Variants in PTPRK observed in about 807,000 individuals in gnomAD.
PTPRK encodes the protein protein tyrosine phosphatase receptor type K.
PTPRK carries 75 observed loss-of-function variants against 178.0 expected under a neutral mutation model. The ratio of observed to expected loss-of-function variants is 0.42; its 90% CI spans 0.35 to 0.51. The LOEUF (loss-of-function observed/expected upper bound fraction) is 0.51. Among genes scored for constraint, PTPRK ranks in the 20% least tolerant of loss-of-function variants. The pLI, the probability that PTPRK is intolerant of heterozygous loss-of-function variation, is 0.02. For synonymous variants in PTPRK, 637 were observed against 620.6 expected, an observed-to-expected ratio of 1.03 and a Z score of -0.39; for missense variants, 1,441 against 1,797.8, an observed-to-expected ratio of 0.80 and a Z score of 3.59.
At chr6:127,985,927 TA>T in intron 21 of PTPRK, 52 bp from the exon 22 acceptor site, 1 of 1,562,510 alleles carries the variant, frequency 6.4e-7, no homozygotes, top group South Asian at 1.2e-5. Context: ...ATGGCCAAAA[TA>T]AAGCCATTAA....
chr6:128,028,459 T>C (rs1009079928), intron 13 of PTPRK, among the ~76,000 whole-genome samples: 1 of 152,218 alleles, frequency 6.6e-6, no homozygotes, highest in Non-Finnish European at 1.5e-5. Flanking sequence ...TGTATCAACA[T>C]ACATTTTAGC....
At chr6:128,082,688 C>T in intron 9 of PTPRK, 50 bp from the exon 10 acceptor site, 3 of 1,383,134 alleles carry the variant, frequency 2.2e-6, no homozygotes, top group Non-Finnish European at 3.0e-6. Context: ...TCATAAGAAA[C>T]TGTAAATAAA....
At chr6:128,365,028 AG>A (rs1403398091) in intron 2 of PTPRK, among the ~76,000 whole-genome samples, 4 of 152,072 alleles carry the variant, frequency 2.6e-5, no homozygotes, top group African/African-American at 4.8e-5. Flanking sequence ...ATTTAAGAAT[AG>A]GTTTGTAACG....
chr6:128,303,292 T>C (rs1825907570), intron 3 of PTPRK, among the ~76,000 whole-genome samples: 1 of 152,190 alleles, frequency 6.6e-6, no homozygotes, highest in Non-Finnish European at 1.5e-5. Flanking sequence ...TGGTCGCCCT[T>C]TTTTGTTCCA....
intron 13 of PTPRK, 89 bp downstream of exon 13, chr6:128,064,669 T>C: frequency 6.8e-7 from 1 of 1,481,146 alleles, no homozygotes. Flanking sequence ...AGAAATGTCA[T>C]ATTTAGCCCT....
chr6:128,412,349 A>T (rs1202869548), intron 1 of PTPRK, among the ~76,000 whole-genome samples: 1 of 152,206 alleles, frequency 6.6e-6, no homozygotes, highest in Non-Finnish European at 1.5e-5. Flanking sequence ...CAACCTAAAA[A>T]GTTGGGCATT....
At chr6:128,243,207 T>C (rs1253958373) in intron 3 of PTPRK, among the ~76,000 whole-genome samples, 1 of 152,034 alleles carries the variant, frequency 6.6e-6, no homozygotes, top group Non-Finnish European at 1.5e-5. Flanking sequence ...ATGGAAGGCC[T>C]TAAATACCAT....
In PTPRK at chr6:128,433,597, C is replaced by A. The variant is rs568803295; in HGVS notation, c.101-35909G>T. Among the ~76,000 whole-genome samples, 3 of 152,098 alleles carry A rather than the reference C, an allele frequency of 2.0e-5. No individual in the cohort carries two copies. In the East Asian group the frequency reaches 5.8e-4, roughly 29 times the overall value. On this transcript the variant is annotated intron_variant, in intron 1 of 29. Coordinates refer to ENST00000368226, the MANE Select transcript of PTPRK (RefSeq NM_002844.4). ...AATCTCAGATTTCAGCTCATTGCAA[C>A]CTCTGCCTCCCAGGCTCAAGTGATA...
intron 13 of PTPRK, among the ~76,000 whole-genome samples, chr6:128,038,963 C>T (rs960382352): frequency 2.6e-5 from 4 of 152,118 alleles, no homozygotes; most frequent in African/African-American, 9.7e-5. Flanking sequence ...AAGACTGGCA[C>T]TAATTAGTAG....
chr6:128,324,971 TTA>T (rs1322621622), intron 2 of PTPRK, among the ~76,000 whole-genome samples: 4 of 152,174 alleles, frequency 2.6e-5, no homozygotes, highest in African/African-American at 9.7e-5. Context: ...CTCTCATACT[TTA>T]TGTTATAATT....
chr6:128,303,797 C>A (rs1025280354), intron 3 of PTPRK, among the ~76,000 whole-genome samples: 2 of 152,122 alleles, frequency 1.3e-5, no homozygotes, highest in African/African-American at 4.8e-5. Flanking sequence ...TTAAAACAAT[C>A]TATTTTTACA....
chr6:128,102,663 T>C (rs567624181), intron 7 of PTPRK, among the ~76,000 whole-genome samples: 1 of 152,330 alleles, frequency 6.6e-6, no homozygotes, highest in East Asian at 1.9e-4. Flanking sequence ...AAAATACTTT[T>C]GAATGTTAAT....
chr6:128,031,120 G>C (rs753831361), intron 13 of PTPRK, among the ~76,000 whole-genome samples: 2 of 152,096 alleles, frequency 1.3e-5, no homozygotes, highest in Non-Finnish European at 2.9e-5. Flanking sequence ...GAAACACTGA[G>C]AGCACAGACA....
intron 5 of PTPRK, among the ~76,000 whole-genome samples, chr6:128,221,031 C>A (rs530636380): frequency 1.8e-4 from 27 of 152,100 alleles, no homozygotes; most frequent in Non-Finnish European, 1.0e-4. Flanking sequence ...ATTAGTACTA[C>A]ATGTATGCAT....
Position 128,214,352 on chromosome 6 carries a change from T to C in PTPRK, c.868+4570A>G, listed in dbSNP as rs571164647. ...TTAGTATGGTAACACCCTTCTCCAA[T>C]AGTACCATATTCCAAACTCTGTATG... On this transcript the variant is annotated intron_variant, in intron 6 of 29. Coordinates refer to ENST00000368226, the MANE Select transcript of PTPRK (RefSeq NM_002844.4). Among the ~76,000 whole-genome samples the C allele has an allele frequency of 2.6e-5, 4 of 152,230 alleles. No homozygotes were observed. The South Asian group carries it at 8.3e-4, about 32-fold the overall frequency.
chr6:128,258,326 C>T (rs1210351495), intron 3 of PTPRK, among the ~76,000 whole-genome samples: 1 of 151,996 alleles, frequency 6.6e-6, no homozygotes, highest in Non-Finnish European at 1.5e-5. Flanking sequence ...TTAAAAAGAT[C>T]AAAATATGTT....
intron 7 of PTPRK, among the ~76,000 whole-genome samples, chr6:128,110,093 A>AT (rs1388133540): frequency 1.3e-5 from 2 of 151,906 alleles, no homozygotes; most frequent in African/African-American, 4.8e-5. Context: ...GGGGCTACTT[A>AT]TTTTTATTTT....
At chr6:128,443,308 G>A (rs1453638125) in intron 1 of PTPRK, among the ~76,000 whole-genome samples, 4 of 152,034 alleles carry the variant, frequency 2.6e-5, no homozygotes, top group African/African-American at 7.2e-5. Flanking sequence ...GGAGGGAGAC[G>A]TAAGAAGGAG....
At chr6:128,471,286 T>C (rs1169252882) in intron 1 of PTPRK, among the ~76,000 whole-genome samples, 1 of 152,046 alleles carries the variant, frequency 6.6e-6, no homozygotes, top group Admixed American at 6.6e-5. Flanking sequence ...ACTGTGAGAT[T>C]CTTTTTACAT....
Sources: gnomAD v4.1 joint callset for allele counts (sites outside exome capture counted in the v4.1 genomes callset) on GRCh38, gnomAD v4.1.1 for gene constraint, MANE v1.5 for transcripts, NCBI Gene and HGNC (gene_info 2026-07-23, HGNC 2026-07-21) for gene names.